The following EGFLAM variants were observed in gnomAD, a reference collection of about 807,000 sequenced individuals.
EGFLAM encodes pikachurin.
A neutral mutation model predicts 113.1 loss-of-function variants in EGFLAM; 79 were observed. The observed-to-expected ratio is 0.70, with a 90% CI of 0.58 to 0.84. The LOEUF is 0.84. Ranked by LOEUF, EGFLAM falls within the 40% of genes least tolerant of loss-of-function variation. The pLI, the probability that EGFLAM is intolerant of heterozygous loss-of-function variation, is 0.00. For synonymous variants in EGFLAM, 504 were observed against 487.6 expected, an observed-to-expected ratio of 1.03 and a Z score of -0.44; for missense variants, 1,265 against 1,291.6, an observed-to-expected ratio of 0.98 and a Z score of 0.32.
chr5:38,449,632 C>G (rs1579949209), intron 18 of EGFLAM, among the ~76,000 whole-genome samples: 1 of 151,976 alleles, frequency 6.6e-6, no homozygotes, highest in East Asian at 1.9e-4. Context: ...ACCACAGCTA[C>G]CTCAAGGGCC....
chr5:38,444,035 G>A (rs1175740528), intron 17 of EGFLAM, among the ~76,000 whole-genome samples: 1 of 151,894 alleles, frequency 6.6e-6, no homozygotes, highest in Non-Finnish European at 1.5e-5. Flanking sequence ...CCTCCCAAAG[G>A]GCTGGGATTA....
At chr5:38,388,611 T>C (rs1740727196) in intron 6 of EGFLAM, among the ~76,000 whole-genome samples, 1 of 151,628 alleles carries the variant, frequency 6.6e-6, no homozygotes, top group African/African-American at 2.4e-5. Flanking sequence ...TATATATAAA[T>C]TAGCCCGGCA....
chr5:38,354,085 T>C (rs1163161015), intron 5 of EGFLAM, among the ~76,000 whole-genome samples: 2 of 152,156 alleles, frequency 1.3e-5, no homozygotes, highest in Non-Finnish European at 2.9e-5. Context: ...TTCAAGAGGA[T>C]TGGACCCTCA....
intron 17 of EGFLAM, among the ~76,000 whole-genome samples, chr5:38,438,795 C>T (rs1742441370): frequency 1.3e-5 from 2 of 152,304 alleles, no homozygotes; most frequent in South Asian, 4.2e-4. Context: ...GAGCCACTCC[C>T]AGAGCCTATC....
intron 3 of EGFLAM, among the ~76,000 whole-genome samples, chr5:38,341,424 G>T (rs183279559): frequency 5.1e-4 from 77 of 152,252 alleles, no homozygotes; most frequent in African/African-American, 1.6e-3. Context: ...ACTATCACGA[G>T]AACAGCATGG....
chr5:38,295,047 G>A (rs367672219), intron 1 of EGFLAM, among the ~76,000 whole-genome samples: 3 of 152,208 alleles, frequency 2.0e-5, no homozygotes, highest in South Asian at 2.1e-4. Flanking sequence ...GGCTGGTCTC[G>A]AACTCCTGAC....
At chr5:38,344,055 T>A (rs1393152765) in intron 3 of EGFLAM, among the ~76,000 whole-genome samples, 1 of 152,180 alleles carries the variant, frequency 6.6e-6, no homozygotes, top group Non-Finnish European at 1.5e-5. Flanking sequence ...AGCCAAATGA[T>A]CTGTATTTCT....
chr5:38,357,823 A>C (rs2112002752), intron 5 of EGFLAM, among the ~76,000 whole-genome samples: 1 of 151,460 alleles, frequency 6.6e-6, no homozygotes, highest in East Asian at 1.9e-4. Flanking sequence ...ATGGAGATAA[A>C]GATTTCAAAG....
chr5:38,330,018 A>G (rs1373395456), intron 1 of EGFLAM, among the ~76,000 whole-genome samples: 1 of 152,174 alleles, frequency 6.6e-6, no homozygotes, highest in Non-Finnish European at 1.5e-5. Flanking sequence ...ACTTTCCTAC[A>G]GAATATGAAG....
intron 5 of EGFLAM, among the ~76,000 whole-genome samples, chr5:38,360,490 G>A (rs1178720590): frequency 1.3e-5 from 2 of 152,180 alleles, no homozygotes; most frequent in African/African-American, 2.4e-5. Flanking sequence ...TCAAGACGTA[G>A]GGGAGGCAGT....
chr5:38,442,898 T>G (rs1468089331), intron 17 of EGFLAM, among the ~76,000 whole-genome samples: 1 of 152,242 alleles, frequency 6.6e-6, no homozygotes, highest in Non-Finnish European at 1.5e-5. Flanking sequence ...CTTAGTAATG[T>G]CTGCAAAGAC....
intron 18 of EGFLAM, among the ~76,000 whole-genome samples, chr5:38,450,337 C>T (rs920137319): frequency 6.6e-6 from 1 of 152,150 alleles, no homozygotes; most frequent in African/African-American, 2.4e-5. Flanking sequence ...GTTCTGAGGC[C>T]CTGCATGGGA....
intron 1 of EGFLAM, among the ~76,000 whole-genome samples, chr5:38,284,564 A>C (rs148067265): frequency 6.1e-4 from 93 of 152,314 alleles, no homozygotes; most frequent in African/African-American, 2.1e-3. Flanking sequence ...AAGCCTTCAG[A>C]TAGGGAGCTC....
rs1741955222 is a variant in EGFLAM at position 38,425,091 on chromosome 5, T to C, written c.1809T>C (p.Asp603=). ...PLGFKGRHCE[D]AFTLTIPQFR... is the part of the protein sequence containing the mutation. ...GGTTTAAAGGTCGACACTGTGAAGATGGTGAGAAAGAAGCAAGTTGAAGGC... is the reference window on the plus strand; with the variant it reads ...GGTTTAAAGGTCGACACTGTGAAGACGGTGAGAAAGAAGCAAGTTGAAGGC... Residue 603 remains aspartate (D), a splice_region_variant and synonymous_variant, in exon 13 of 22, where the codon GAT becomes GAC. Transcript: ENST00000322350. 5.0e-6 allele frequency: 8 copies of C among 1,612,970 alleles called. No homozygotes were observed. Among genetic ancestry groups the C allele is most frequent in the Middle Eastern group, 1.6e-4 (1 of 6,074 alleles).
intron 6 of EGFLAM, among the ~76,000 whole-genome samples, chr5:38,374,706 GT>G (rs1242176915): frequency 2.0e-5 from 3 of 152,194 alleles, no homozygotes; most frequent in Admixed American, 6.5e-5. Flanking sequence ...AGGCTGACTG[GT>G]CCCCAGTCAA....
chr5:38,337,670 G>T, intron 2 of EGFLAM, 41 bp downstream of exon 2: 1 of 1,500,410 alleles, frequency 6.7e-7, no homozygotes. Flanking sequence ...TGGGTGTGTC[G>T]TGTGACTGTA....
intron 1 of EGFLAM, among the ~76,000 whole-genome samples, chr5:38,301,060 G>A (rs1758564863): frequency 1.3e-5 from 2 of 152,294 alleles, no homozygotes; most frequent in South Asian, 4.2e-4. Flanking sequence ...GGAGTTGCTT[G>A]TTAGACATCC....
At chr5:38,431,033 A>G in intron 14 of EGFLAM, 144 bp from the exon 15 acceptor site, 1 of 707,256 alleles carries the variant, frequency 1.4e-6, no homozygotes, top group Non-Finnish European at 2.4e-6. Flanking sequence ...GCAGATCTTT[A>G]CTAAGTTTAC....
intron 5 of EGFLAM, among the ~76,000 whole-genome samples, chr5:38,355,294 CTCTG>C (rs1274202795): frequency 6.6e-6 from 1 of 152,190 alleles, no homozygotes. Context: ...CTTCTTCCTC[CTCTG>C]TCCTTTCAAC....
Sources: gnomAD v4.1 joint callset for allele counts (sites outside exome capture counted in the v4.1 genomes callset) on GRCh38, gnomAD v4.1.1 for gene constraint, MANE v1.5 for transcripts, NCBI Gene and HGNC (gene_info 2026-07-23, HGNC 2026-07-21) for gene names.